ATP11B: variants seen among roughly 807,000 people sequenced by gnomAD.
ATP11B encodes the protein phospholipid-transporting ATPase IF.
A neutral mutation model predicts 157.8 loss-of-function variants in ATP11B; 81 were observed. That is an observed-to-expected ratio of 0.51 (90% confidence interval 0.43 to 0.62). The LOEUF (loss-of-function observed/expected upper bound fraction) is 0.62. Among genes scored for constraint, ATP11B ranks in the 20% least tolerant of loss-of-function variants. The probability of loss-of-function intolerance (pLI) is 0.00; values close to 1 mark genes in which losing one functional copy is unlikely to be tolerated. For synonymous variants in ATP11B, 451 were observed against 469.4 expected, an observed-to-expected ratio of 0.96 and a Z score of 0.51; for missense variants, 1,165 against 1,402.2, an observed-to-expected ratio of 0.83 and a Z score of 2.70.
At chr3:182,832,063 T>C (rs1356038467) in intron 4 of ATP11B, among the ~76,000 whole-genome samples, 1 of 152,184 alleles carries the variant, frequency 6.6e-6, no homozygotes, top group Non-Finnish European at 1.5e-5. Flanking sequence ...TGGCCAAATA[T>C]GGACTGCATT....
At chr3:182,830,604 A>AT (rs1718061435) in intron 4 of ATP11B, among the ~76,000 whole-genome samples, 1 of 152,192 alleles carries the variant, frequency 6.6e-6, no homozygotes, top group African/African-American at 2.4e-5. Flanking sequence ...AATTAACTGA[A>AT]TTTTCTCAGG....
rs896100344 is a variant in ATP11B, at chr3:182,797,784, C to T, written c.27+3998C>T. On this transcript the variant is annotated intron_variant, in intron 1 of 29. Transcript: ENST00000323116. The stretch of plus-strand genomic sequence containing the variant: ...CATGTTGAGATATTATAATATTTTA[C>T]ATATATAGGTAAAGTAAAATAAATT... Among the ~76,000 whole-genome samples the T allele has an allele frequency of 2.6e-5, 4 of 151,992 alleles. 1 individual carries two copies. Among genetic ancestry groups the T allele is most frequent in the Admixed American group, 6.6e-5 (1 of 15,256 alleles).
intron 10 of ATP11B, among the ~76,000 whole-genome samples, chr3:182,852,025 C>T (rs1720018044): frequency 6.6e-6 from 1 of 152,140 alleles, no homozygotes; most frequent in Non-Finnish European, 1.5e-5. Context: ...TTCATCTAGA[C>T]AGATCATATG....
At chr3:182,835,332 C>A (rs1196311897) in intron 4 of ATP11B, among the ~76,000 whole-genome samples, 1 of 152,114 alleles carries the variant, frequency 6.6e-6, no homozygotes, top group Non-Finnish European at 1.5e-5. Context: ...AAAATCTGCT[C>A]ATTTTTTTCT....
At chr3:182,867,797 C>T (rs1463625047) in intron 15 of ATP11B, among the ~76,000 whole-genome samples, 1 of 152,020 alleles carries the variant, frequency 6.6e-6, no homozygotes, top group East Asian at 1.9e-4. Context: ...TCTGAAACTC[C>T]TAGCCTCAAG....
chr3:182,828,133 A>G lies in ATP11B; in HGVS notation c.158A>G (p.Asn53Ser). The G allele has an allele frequency of 6.9e-7, 1 of 1,454,232 alleles. No individual in the cohort carries two copies. Among genetic ancestry groups the G allele is most frequent in the Non-Finnish European group, 9.3e-7 (1 of 1,078,878 alleles). 90.1% of individuals were successfully genotyped at this position (1,454,232 alleles called of 1,614,324 possible). ...RIISSKYTVW[N>S]FVPKNLFEQF... ...CTTTCTTTTTAGTACACTGTGTGGA[A>G]TTTTGTTCCAAAAAATTTATTTGAA... The change falls in exon 3 of 30, where the codon AAT (asparagine) becomes AGT (serine). Residue 53 changes from asparagine to serine, a missense_variant. By Grantham distance (46) the Asn-to-Ser change is conservative. Around this residue, in one of 4 missense-constraint regions of ATP11B, gnomAD observed 91 missense variants for 95.8 expected, o/e 0.95. Coordinates refer to ENST00000323116, the MANE Select transcript of ATP11B (RefSeq NM_014616.3).
chr3:182,803,203 A>T (rs767667271), intron 1 of ATP11B, among the ~76,000 whole-genome samples: 1 of 152,194 alleles, frequency 6.6e-6, no homozygotes, highest in Non-Finnish European at 1.5e-5. Context: ...TCCTTTCCCT[A>T]CATCTTGCTC....
At chr3:182,831,588 A>T (rs1242097905) in intron 4 of ATP11B, among the ~76,000 whole-genome samples, 6 of 132,050 alleles carry the variant, frequency 4.5e-5, no homozygotes, top group East Asian at 2.1e-4. Flanking sequence ...TTTTTTTTTT[A>T]AACTCACTGT....
chr3:182,817,061 C>G (rs1006165136), intron 1 of ATP11B, among the ~76,000 whole-genome samples: 12 of 152,082 alleles, frequency 7.9e-5, no homozygotes, highest in African/African-American at 2.9e-4. Context: ...CCCACAAATG[C>G]AGGCCATTGA....
At chr3:182,869,419 T>C in intron 17 of ATP11B, 88 bp downstream of exon 17, 1 of 919,858 alleles carries the variant, frequency 1.1e-6, no homozygotes, top group Non-Finnish European at 1.6e-6. Context: ...TTATCAAAAA[T>C]TGTGGACATT....
intron 1 of ATP11B, among the ~76,000 whole-genome samples, chr3:182,815,037 A>C (rs1164065201): frequency 6.6e-6 from 1 of 152,118 alleles, no homozygotes; most frequent in Non-Finnish European, 1.5e-5. Flanking sequence ...GCCAGAGATG[A>C]GCTACCTTTA....
intron 9 of ATP11B, among the ~76,000 whole-genome samples, chr3:182,846,216 T>C (rs1719510354): frequency 6.6e-6 from 1 of 152,110 alleles, no homozygotes. Context: ...AGATCTTCTT[T>C]CCCATTTGCT....
At chr3:182,823,467 G>A (rs1717504339) in intron 2 of ATP11B, among the ~76,000 whole-genome samples, 1 of 151,898 alleles carries the variant, frequency 6.6e-6, no homozygotes, top group African/African-American at 2.4e-5. Context: ...CTGTTCCATT[G>A]GTCTATATAT....
rs570377697 is a variant in ATP11B at position 182,804,734 on chromosome 3, A to G, written c.27+10948A>G. On this transcript the variant is annotated intron_variant, in intron 1 of 29. Coordinates refer to ENST00000323116, the MANE Select transcript of ATP11B (RefSeq NM_014616.3). ...CATCACCACACTCTAATTTTAGGAT[A>G]TTTTTTCTTCCCAAAAGAAACTCGA... Among the ~76,000 whole-genome samples the G allele has an allele frequency of 1.1e-3, 166 of 152,078 alleles. 1 individual carries two copies. The highest frequency in any genetic ancestry group is 3.9e-3 in the African/African-American group (162 of 41,474).
At chr3:182,821,902 C>G (rs1717376199) in intron 2 of ATP11B, among the ~76,000 whole-genome samples, 1 of 152,222 alleles carries the variant, frequency 6.6e-6, no homozygotes, top group Non-Finnish European at 1.5e-5. Context: ...CATCTTTTCT[C>G]TAATCCTAAC....
Position 182,899,283 on chromosome 3 carries a change from G to A in ATP11B, c.3318+511G>A, listed in dbSNP as rs965572139. 2.6e-5 allele frequency among the ~76,000 whole-genome samples: 4 copies of A among 151,516 alleles called. No individual in the cohort carries two copies. The South Asian group carries it at 8.4e-4, about 32-fold the overall frequency. On this transcript the variant is annotated intron_variant, in intron 28 of 29. Coordinates refer to ENST00000323116, the MANE Select transcript of ATP11B (RefSeq NM_014616.3). ...CAATTCTCCTCTCTCAGCCTTGTGAGCTGGGATTACAGGCACCTGCCTCCA... is the reference window on the plus strand; with the variant it reads ...CAATTCTCCTCTCTCAGCCTTGTGAACTGGGATTACAGGCACCTGCCTCCA...
intron 1 of ATP11B, among the ~76,000 whole-genome samples, chr3:182,799,818 A>AG (rs768897934): frequency 4.6e-5 from 7 of 152,174 alleles, no homozygotes; most frequent in Non-Finnish European, 1.0e-4. Flanking sequence ...ATTTAGTATA[A>AG]GAAAAACATT....
chr3:182,884,737 G>T lies in ATP11B; in HGVS notation c.2510-16G>T. ...ACAGTTATCAGTGAACATGTCTTTT[G>T]TCCCTTTTATTATAGGAATCATGGG... is the stretch of plus-strand genomic sequence containing the variant. On this transcript the variant is annotated splice_polypyrimidine_tract_variant and intron_variant, in intron 21 of 29. Transcript: ENST00000323116. 6.3e-7 allele frequency: 1 copy of T among 1,582,068 alleles called. No individual in the cohort carries two copies. Among genetic ancestry groups the T allele is most frequent in the South Asian group, 1.2e-5 (1 of 83,968 alleles).
rs1489744388 is a variant in ATP11B at position 182,837,147 on chromosome 3, G to A, written c.629G>A (p.Cys210Tyr). The change falls in exon 7 of 30, where the codon TGC (cysteine) becomes TAC (tyrosine). Residue 210 changes from cysteine (C) to tyrosine (Y), a missense_variant. This residue lies in a region of ATP11B where 737 missense variants were observed against 930.5 expected (regional missense o/e 0.79). Coordinates refer to ENST00000323116, the MANE Select transcript of ATP11B (RefSeq NM_014616.3). ...NLDTLVAVIE[C>Y]QQPEADLYRF... ...GACACTCTAGTAGCTGTAATAGAAT[G>A]CCAGCAACCAGAAGCAGACTTATAC... 3 of 1,612,714 alleles carry A rather than the reference G, an allele frequency of 1.9e-6. No individual in the cohort carries two copies. Among genetic ancestry groups the A allele is most frequent in the Non-Finnish European group, 2.5e-6 (3 of 1,179,104 alleles).
Sources: gnomAD v4.1 joint callset for allele counts (sites outside exome capture counted in the v4.1 genomes callset) on GRCh38, gnomAD v4.1.1 for gene constraint, gnomAD v4.1.1 regional missense constraint, MANE v1.5 for transcripts, NCBI Gene and HGNC (gene_info 2026-07-23, HGNC 2026-07-21) for gene names.